Variants in RELL1 observed in about 807,000 individuals in gnomAD.
RELL1 encodes RELT-like protein 1.
In RELL1, 10 loss-of-function variants were observed where a neutral mutation model predicts 23.0. The ratio of observed to expected loss-of-function variants is 0.43; its 90% CI spans 0.27 to 0.74. RELL1 has a LOEUF of 0.74. Ranked by LOEUF, RELL1 falls within the 30% of genes least tolerant of loss-of-function variation. The pLI is 0.19. For synonymous variants in RELL1, 146 were observed against 146.8 expected (o/e 0.99, Z 0.04); for missense variants, 315 against 364.4 (o/e 0.86, Z 1.10).
At chr4:37,591,190 C>A (rs1718593193) in exon 7 of RELL1, 2 of 565,950 alleles carry the variant, frequency 3.5e-6, no homozygotes, top group Non-Finnish European at 6.2e-6. Flanking sequence ...GAGTTTCACT[C>A]TGTGTAGATG....
chr4:37,640,659 A>C (rs1720496800), intron 3 of RELL1, among the ~76,000 whole-genome samples: 1 of 152,200 alleles, frequency 6.6e-6, no homozygotes, highest in African/African-American at 2.4e-5. Flanking sequence ...TACAATGGAA[A>C]TCCTATGTAA....
Position 37,598,545 on chromosome 4 carries a change from A to G in RELL1, c.*4-7328T>C, listed in dbSNP as rs73807840. ...CACGTGAATCATCTCACTGAAGTCT[A>G]CCGTGACGCCATGAGCTATAGGTAT... On this transcript the variant is annotated intron_variant, in intron 6 of 6. Transcript: ENST00000314117. 8.2e-3 allele frequency among the ~76,000 whole-genome samples: 1,256 copies of G among 152,246 alleles called. 23 individuals carry two copies. Among genetic ancestry groups the G allele is most frequent in the African/African-American group, 0.029 (1,215 of 41,532 alleles).
chr4:37,621,233 G>A (rs1396633701), intron 6 of RELL1, among the ~76,000 whole-genome samples: 1 of 152,152 alleles, frequency 6.6e-6, no homozygotes, highest in Non-Finnish European at 1.5e-5. Flanking sequence ...GAGGCAGGCA[G>A]ATCACAAGAT....
At chr4:37,631,299 T>A in intron 6 of RELL1, 86 bp downstream of exon 6, 1 of 1,431,682 alleles carries the variant, frequency 7.0e-7, no homozygotes, top group Non-Finnish European at 9.5e-7. Context: ...ACCATTCCTA[T>A]GCTGCCACAG....
chr4:37,662,113 T>G (rs1295909730), intron 1 of RELL1, among the ~76,000 whole-genome samples: 1 of 152,184 alleles, frequency 6.6e-6, no homozygotes, highest in Non-Finnish European at 1.5e-5. Flanking sequence ...GATTCTGGGT[T>G]GCAAAGACCA....
chr4:37,656,568 C>A (rs75552940), intron 1 of RELL1, among the ~76,000 whole-genome samples: 5,556 of 152,204 alleles, frequency 0.037, 109 homozygotes, highest in Non-Finnish European at 0.052. Flanking sequence ...ATGATCTGTC[C>A]CCTCCAAAAC....
chr4:37,620,774 G>A (rs1396898854), intron 6 of RELL1, among the ~76,000 whole-genome samples: 1 of 152,170 alleles, frequency 6.6e-6, no homozygotes, highest in Non-Finnish European at 1.5e-5. Flanking sequence ...GCCTCTATGA[G>A]CTTCAAGAGA....
In RELL1 at chr4:37,649,412, A is replaced by G. The variant is rs1720817976; in HGVS notation, c.177T>C (p.Ile59=). ...AGAACACAGGGACAAGCGCGTATGCAATATATTCTGGGTGTCCATTCCCAG... is the reference window on the plus strand; with the variant it reads ...AGAACACAGGGACAAGCGCGTATGCGATATATTCTGGGTGTCCATTCCCAG... The part of the protein sequence containing the change: ...NDTGNGHPEY[I]AYALVPVFFI... The change falls in exon 2 of 7, where the codon ATT becomes ATC. Residue 59 remains isoleucine (I), a synonymous_variant. Transcript: ENST00000454158. 1 of 1,614,116 alleles carries G rather than the reference A, an allele frequency of 6.2e-7. No homozygotes were observed. Among genetic ancestry groups the G allele is most frequent in the African/African-American group, 1.3e-5 (1 of 74,938 alleles).
intron 6 of RELL1, among the ~76,000 whole-genome samples, chr4:37,591,979 C>T (rs1483042465): frequency 6.6e-6 from 1 of 151,890 alleles, no homozygotes; most frequent in Non-Finnish European, 1.5e-5. Context: ...GAGGCCGAGG[C>T]GGGTGGATCA....
intron 1 of RELL1, among the ~76,000 whole-genome samples, chr4:37,680,609 C>A (rs1722183218): frequency 6.6e-6 from 1 of 151,976 alleles, no homozygotes; most frequent in Non-Finnish European, 1.5e-5. Flanking sequence ...TGAACCTATC[C>A]GAGTTAAAAA....
At chr4:37,686,103 A>T in intron 1 of RELL1, 97 bp downstream of exon 1, 1 of 1,040,300 alleles carries the variant, frequency 9.6e-7, no homozygotes, top group Admixed American at 2.3e-5. Flanking sequence ...GCCAGAAAGC[A>T]GGACGCCGCG....
intron 4 of RELL1, among the ~76,000 whole-genome samples, chr4:37,637,055 A>G (rs1720355943): frequency 6.6e-6 from 1 of 152,242 alleles, no homozygotes; most frequent in South Asian, 2.1e-4. Context: ...GAGTTTAACA[A>G]CATTCATTCA....
At chr4:37,605,846 G>GGAAAA (rs146597622), downstream of RELL1, among the ~76,000 whole-genome samples, 5 of 101,444 alleles carry the variant, frequency 4.9e-5, no homozygotes, top group African/African-American at 1.6e-4. Context: ...AAAGAAAGAA[G>GGAAAA]GAAAAGAAAA....
chr4:37,658,108 C>G (rs1189626755), intron 1 of RELL1, among the ~76,000 whole-genome samples: 2 of 152,056 alleles, frequency 1.3e-5, no homozygotes, highest in Non-Finnish European at 2.9e-5. Context: ...AGGGTGAGGA[C>G]AGAAGAGGGG....
chr4:37,598,430 T>C (rs553283785), intron 6 of RELL1, among the ~76,000 whole-genome samples: 80 of 152,196 alleles, frequency 5.3e-4, no homozygotes, highest in Non-Finnish European at 9.1e-4. Context: ...TTGTTGTTTT[T>C]AGTATTTTTA....
chr4:37,631,330 C>A (rs949497479), intron 6 of RELL1, 55 bp downstream of exon 6: 2 of 1,544,792 alleles, frequency 1.3e-6, no homozygotes, highest in Admixed American at 2.0e-5. Context: ...GCTCCAAGTA[C>A]CTTCTCCTCA....
chr4:37,591,818 A>G (rs1365888756), intron 6 of RELL1: 1 of 152,248 alleles, frequency 6.6e-6, no homozygotes, highest in African/African-American at 2.4e-5. Flanking sequence ...CAATTAAAAT[A>G]TAACAACGTA....
intron 1 of RELL1, among the ~76,000 whole-genome samples, chr4:37,683,874 G>A (rs906121354): frequency 6.6e-6 from 1 of 151,814 alleles, no homozygotes; most frequent in Non-Finnish European, 1.5e-5. Context: ...GAGGTCAGGA[G>A]ATGGAGACCA....
chr4:37,673,176 C>CT (rs970597747), intron 1 of RELL1, among the ~76,000 whole-genome samples: 1 of 49,958 alleles, frequency 2.0e-5, no homozygotes, highest in East Asian at 5.3e-4. Flanking sequence ...AGACTATATA[C>CT]TTTTTTTTTC....
Sources: gnomAD v4.1 joint callset for allele counts (sites outside exome capture counted in the v4.1 genomes callset) on GRCh38, gnomAD v4.1.1 for gene constraint, MANE v1.5 for transcripts, NCBI Gene and HGNC (gene_info 2026-07-23, HGNC 2026-07-21) for gene names.